The following PACRG variants were observed in gnomAD, a reference collection of about 807,000 sequenced individuals.
PACRG encodes parkin coregulated gene protein.
Under a neutral mutation model 29.7 loss-of-function variants are expected in PACRG, and 29 were observed. That is an observed-to-expected ratio of 0.98 (90% CI 0.73 to 1.33). PACRG has a LOEUF of 1.33. Ranked by LOEUF, PACRG falls within the 40% of genes most tolerant of loss-of-function variation. PACRG has a pLI of 0.00. For synonymous variants in PACRG, 116 were observed against 118.7 expected, an observed-to-expected ratio of 0.98 and a Z score of 0.15; for missense variants, 279 against 316.2, an observed-to-expected ratio of 0.88 and a Z score of 0.89.
intron 2 of PACRG, among the ~76,000 whole-genome samples, chr6:162,869,370 T>A (rs1163364592): frequency 6.6e-6 from 1 of 152,166 alleles, no homozygotes; most frequent in Non-Finnish European, 1.5e-5. Context: ...CAAAAAAAGA[T>A]GTAGAGTCCA....
chr6:163,089,221 T>A, intron 3 of PACRG, 38 bp from the exon 4 acceptor site: 3 of 1,594,046 alleles, frequency 1.9e-6, no homozygotes, highest in Non-Finnish European at 2.6e-6. Context: ...TGCTTTCTAT[T>A]AAAATATTTT....
At chr6:162,775,317 G>A (rs575303728) in intron 1 of PACRG, among the ~76,000 whole-genome samples, 15 of 152,280 alleles carry the variant, frequency 9.9e-5, no homozygotes, top group African/African-American at 3.4e-4. Context: ...AGCCTAAACA[G>A]ATTAAGACCC....
At chr6:162,778,313 C>T (rs1314743570) in intron 1 of PACRG, among the ~76,000 whole-genome samples, 1 of 152,156 alleles carries the variant, frequency 6.6e-6, no homozygotes, top group African/African-American at 2.4e-5. Context: ...GTTTTAAATA[C>T]AAGATCTGGG....
chr6:163,064,003 C>A (rs1005417758), intron 3 of PACRG, among the ~76,000 whole-genome samples: 4 of 152,088 alleles, frequency 2.6e-5, no homozygotes, highest in Non-Finnish European at 5.9e-5. Flanking sequence ...CTCTGATAAA[C>A]AAGAAAGGCC....
intron 4 of PACRG, among the ~76,000 whole-genome samples, chr6:163,241,481 C>T (rs74504872): frequency 0.012 from 1,849 of 152,298 alleles, 34 homozygotes; most frequent in African/African-American, 0.042. Context: ...GGAGATGTGG[C>T]CCAGGCTCCA....
At chr6:162,984,485 T>C (rs978284520) in intron 2 of PACRG, among the ~76,000 whole-genome samples, 1 of 152,094 alleles carries the variant, frequency 6.6e-6, no homozygotes, top group Non-Finnish European at 1.5e-5. Context: ...TCAACATGCA[T>C]GTGCAAGTAT....
intron 4 of PACRG, among the ~76,000 whole-genome samples, chr6:163,301,917 C>T (rs1785017990): frequency 6.6e-6 from 1 of 152,176 alleles, no homozygotes; most frequent in Non-Finnish European, 1.5e-5. Context: ...CATTTGTGTT[C>T]AACAAGAGCA....
chr6:163,158,249 C>T (rs1778401048), intron 4 of PACRG, among the ~76,000 whole-genome samples: 1 of 152,010 alleles, frequency 6.6e-6, no homozygotes, highest in African/African-American at 2.4e-5. Flanking sequence ...AATGTGTGGG[C>T]CGAGAAAGAT....
chr6:162,751,303 G>A (rs984342703), intron 1 of PACRG, among the ~76,000 whole-genome samples: 8 of 152,002 alleles, frequency 5.3e-5, no homozygotes, highest in African/African-American at 1.9e-4. Flanking sequence ...TCATATCTAA[G>A]CATTTTAGAT....
chr6:163,195,002 G>A (rs1472725674), intron 4 of PACRG, among the ~76,000 whole-genome samples: 1 of 152,160 alleles, frequency 6.6e-6, no homozygotes, highest in Non-Finnish European at 1.5e-5. Context: ...TTGCTGAACA[G>A]TGAGCCTCTC....
intron 2 of PACRG, among the ~76,000 whole-genome samples, chr6:162,829,968 T>C (rs1243311470): frequency 6.6e-6 from 1 of 152,056 alleles, no homozygotes; most frequent in East Asian, 1.9e-4. Flanking sequence ...ACCAATGTGG[T>C]ATAGAAAGTT....
At chr6:163,185,207 G>A (rs748704861) in intron 4 of PACRG, among the ~76,000 whole-genome samples, 2 of 152,010 alleles carry the variant, frequency 1.3e-5, no homozygotes, top group African/African-American at 2.4e-5. Context: ...GAGTGCAGCC[G>A]TACGCTGGGA....
intron 1 of PACRG, among the ~76,000 whole-genome samples, chr6:162,769,728 A>G (rs1426051058): frequency 6.6e-6 from 1 of 151,766 alleles, no homozygotes; most frequent in Non-Finnish European, 1.5e-5. Context: ...GTAGATTTAT[A>G]TGAACTCAAG....
At chr6:163,212,022 A>G (rs1781163760) in intron 4 of PACRG, among the ~76,000 whole-genome samples, 1 of 152,174 alleles carries the variant, frequency 6.6e-6, no homozygotes, top group African/African-American at 2.4e-5. Flanking sequence ...TGCAAGTGGG[A>G]TCAGAATACC....
chr6:163,008,042 C>G (rs963841143), intron 2 of PACRG, among the ~76,000 whole-genome samples: 3 of 152,136 alleles, frequency 2.0e-5, no homozygotes, highest in Non-Finnish European at 4.4e-5. Context: ...TGTTGTTGTA[C>G]TGGATTTACA....
At chr6:163,214,464 A>C (rs1781282066) in intron 4 of PACRG, among the ~76,000 whole-genome samples, 1 of 152,098 alleles carries the variant, frequency 6.6e-6, no homozygotes, top group African/African-American at 2.4e-5. Context: ...ATACTTTTAA[A>C]GTATGACATC....
At chr6:163,112,317 C>T (rs1032688366) in intron 4 of PACRG, among the ~76,000 whole-genome samples, 8 of 152,214 alleles carry the variant, frequency 5.3e-5, no homozygotes, top group Admixed American at 2.6e-4. Flanking sequence ...TGGCAGGGAG[C>T]TGTGCACCTG....
At chr6:162,735,358 T>C (rs1780085985) in intron 1 of PACRG, among the ~76,000 whole-genome samples, 1 of 152,194 alleles carries the variant, frequency 6.6e-6, no homozygotes, top group African/African-American at 2.4e-5. Flanking sequence ...CTCTTTCCAG[T>C]GCTATATGAG....
At chr6:163,258,480 G>A (rs62427989) in intron 4 of PACRG, among the ~76,000 whole-genome samples, 50,638 of 151,908 alleles carry the variant, frequency 0.33, 8,909 homozygotes, top group Non-Finnish European at 0.39. Flanking sequence ...TATTCTCGCC[G>A]GGCGCAGTGG....
Sources: gnomAD v4.1 joint callset for allele counts (sites outside exome capture counted in the v4.1 genomes callset) on GRCh38, gnomAD v4.1.1 for gene constraint, MANE v1.5 for transcripts, NCBI Gene and HGNC (gene_info 2026-07-23, HGNC 2026-07-21) for gene names.